The following MACF1 variants were observed in gnomAD, a reference collection of about 807,000 sequenced individuals.
MACF1 encodes microtubule-actin cross-linking factor 1.
In MACF1, 193 loss-of-function variants were observed where a neutral mutation model predicts 854.8. The observed-to-expected ratio is 0.23, with a 90% CI of 0.20 to 0.25. The LOEUF (loss-of-function observed/expected upper bound fraction) is 0.25, where lower values mean the gene tolerates loss of function less well. MACF1 is among the 10% of genes least tolerant of loss of function. The probability of loss-of-function intolerance (pLI) is 1.00; values close to 1 mark genes in which losing one functional copy is unlikely to be tolerated. For missense variants in MACF1, 7,722 were observed against 8,929.1 expected (o/e 0.86, Z 5.45); for synonymous variants, 3,185 against 3,226.7 (o/e 0.99, Z 0.44).
intron 15 of MACF1, among the ~76,000 whole-genome samples, chr1:39,291,202 C>T (rs1645777761): frequency 6.6e-6 from 1 of 152,072 alleles, no homozygotes; most frequent in South Asian, 2.1e-4. Context: ...GTCTCGAACT[C>T]CTGACCTCAG....
intron 2 of MACF1, among the ~76,000 whole-genome samples, chr1:39,135,468 C>A (rs1197434632): frequency 6.6e-6 from 1 of 152,002 alleles, no homozygotes; most frequent in Non-Finnish European, 1.5e-5. Flanking sequence ...AGGCTGATCT[C>A]GAACTCTTGA....
intron 52 of MACF1, among the ~76,000 whole-genome samples, chr1:39,374,823 G>T (rs1649569466): frequency 6.6e-6 from 1 of 152,054 alleles, no homozygotes; most frequent in African/African-American, 2.4e-5. Context: ...AAAACATTTT[G>T]TTGGCTGCCG....
At position 39,359,281 on chromosome 1, in the gene MACF1, G is replaced by A; in HGVS notation, c.12244+17G>A. On this transcript the variant is annotated intron_variant, in intron 47 of 100. Coordinates refer to ENST00000564288, the MANE Select transcript of MACF1 (RefSeq NM_001394062.1). ...AAACTACAGGTATAAAGCAGCAACA[G>A]TATAATAGTACTCCCTTAATTCCTA... 1 of 1,613,366 alleles carries A rather than the reference G, an allele frequency of 6.2e-7. No homozygotes were observed. The highest frequency in any genetic ancestry group is 8.5e-7 in the Non-Finnish European group (1 of 1,179,626).
intron 2 of MACF1, among the ~76,000 whole-genome samples, chr1:39,184,977 A>T (rs1644148050): frequency 6.6e-6 from 1 of 152,180 alleles, no homozygotes; most frequent in Non-Finnish European, 1.5e-5. Flanking sequence ...AAAGTAGAAG[A>T]TACTACCTCT....
rs141246822 is a variant in MACF1 at position 39,310,340 on chromosome 1, G to A, written c.3012G>A (p.Leu1004=). The part of the protein sequence containing the change: ...DFLQDSRDSV[L]FSVADRLRLE... ...TGCAGGATAGTCGTGACTCTGTGCT[G>A]TTCTCAGTGGCTGATCGCTTGCGCT... Residue 1004 remains leucine, a synonymous_variant, in exon 25 of 101, where the codon CTG becomes CTA. Coordinates refer to ENST00000564288, the MANE Select transcript of MACF1 (RefSeq NM_001394062.1). 2.3e-5 allele frequency: 37 copies of A among 1,614,046 alleles called. No homozygotes were observed. Among genetic ancestry groups the A allele is most frequent in the Non-Finnish European group, 3.1e-5 (36 of 1,180,036 alleles).
rs369021304 is a variant in MACF1 at position 39,111,627 on chromosome 1, C to T, written c.220+27189C>T. On this transcript the variant is annotated intron_variant, in intron 2 of 93. Coordinates refer to the MACF1 transcript ENST00000361689. Reference sequence around the variant, plus strand: ...CGATCTTCTGACCTCGTGATCTGCCCGCCTCGGCCTCCCAAAGTGCTGGGA... The same window carrying T: ...CGATCTTCTGACCTCGTGATCTGCCTGCCTCGGCCTCCCAAAGTGCTGGGA... Among the ~76,000 whole-genome samples the T allele has an allele frequency of 2.0e-3, 298 of 152,128 alleles. 1 individual carries two copies. The highest frequency in any genetic ancestry group is 6.7e-3 in the African/African-American group (279 of 41,500).
intron 30 of MACF1, 93 bp downstream of exon 30, chr1:39,318,708 C>A: frequency 7.8e-7 from 1 of 1,288,514 alleles, no homozygotes; most frequent in Non-Finnish European, 1.0e-6. Context: ...AAAGCTTCCT[C>A]CAAATGGAAG....
At position 39,350,213 on chromosome 1, in the gene MACF1, T is replaced by G. The variant is rs921924060; in HGVS notation, c.10966-572T>G. 3.9e-5 allele frequency among the ~76,000 whole-genome samples: 6 copies of G among 152,190 alleles called. 1 individual carries two copies. The highest frequency in any genetic ancestry group is 7.3e-5 in the Non-Finnish European group (5 of 68,034). ...TGAGAAATGAAAGATATGTAGGCGT[T>G]AATGCATGAAGAGGTAGGAGGAGGA... On this transcript the variant is annotated intron_variant, in intron 42 of 100. Coordinates refer to ENST00000564288, the MANE Select transcript of MACF1 (RefSeq NM_001394062.1).
rs554407140 is a variant in MACF1 at position 39,097,444 on chromosome 1, TAGCAC to T, written c.220+13009_220+13013del. 9.1e-4 allele frequency among the ~76,000 whole-genome samples: 138 copies of T among 152,166 alleles called. 5 individuals are homozygous for T. The South Asian group carries it at 0.024, about 27-fold the overall frequency. ...GGTCCTTAACATCATGGCGGGAGGA[TAGCAC>T]AGTGGCTCATGTCTCTAACCCCAGA... is the stretch of plus-strand genomic sequence containing the variant. On this transcript the variant is annotated intron_variant, in intron 2 of 93. Transcript: ENST00000361689.
Position 39,333,365 on chromosome 1 carries a change from G to A in MACF1, c.6777G>A (p.Lys2259=), listed in dbSNP as rs141906844. ...IAGGSMMMSE[K]TDEEDSGREI... is the part of the protein sequence containing the mutation. ...GTGGTAGTATGATGATGTCAGAAAA[G>A]ACCGATGAGGAAGATAGTGGCAGGG... is the stretch of plus-strand genomic sequence containing the variant. The change falls in exon 37 of 101, where the codon AAG becomes AAA. Residue 2259 remains lysine (K), a synonymous_variant. Coordinates refer to ENST00000564288, the MANE Select transcript of MACF1 (RefSeq NM_001394062.1). 1.2e-6 allele frequency: 2 copies of A among 1,614,076 alleles called. No individual in the cohort carries two copies. The highest frequency in any genetic ancestry group is 2.2e-5 in the East Asian group (1 of 44,874).
intron 6 of MACF1, among the ~76,000 whole-genome samples, chr1:39,266,195 C>A (rs1368683476): frequency 6.6e-6 from 1 of 152,152 alleles, no homozygotes; most frequent in African/African-American, 2.4e-5. Context: ...ATTTCTCTTG[C>A]CTCTAAGTTT....
At chr1:39,252,020 G>A in intron 4 of MACF1, 79 bp downstream of exon 4, 1 of 939,472 alleles carries the variant, frequency 1.1e-6, no homozygotes, top group Non-Finnish European at 1.4e-6. Context: ...GGTTCTCCAG[G>A]TCTCGAAGTA....
At chr1:39,441,374 G>A (rs779774404) in intron 74 of MACF1, 49 bp downstream of exon 74, 27 of 1,490,424 alleles carry the variant, frequency 1.8e-5, no homozygotes, top group Non-Finnish European at 2.3e-5. Flanking sequence ...TCTGTTTTTT[G>A]CCATTTTTGT....
chr1:39,101,697 G>A (rs1430549623), intron 2 of MACF1, among the ~76,000 whole-genome samples: 8 of 151,264 alleles, frequency 5.3e-5, no homozygotes, highest in Non-Finnish European at 7.4e-5. Flanking sequence ...GGTGGCGGGC[G>A]CCTGTAGTCC....
intron 23 of MACF1, among the ~76,000 whole-genome samples, chr1:39,307,947 C>T (rs1377404449): frequency 7.6e-6 from 1 of 132,048 alleles, no homozygotes; most frequent in East Asian, 2.4e-4. Flanking sequence ...CCGTGTCGCC[C>T]AGGCTAGAGT....
At chr1:39,263,396 G>A (rs569367830) in intron 6 of MACF1, among the ~76,000 whole-genome samples, 1 of 152,262 alleles carries the variant, frequency 6.6e-6, no homozygotes, top group African/African-American at 2.4e-5. Flanking sequence ...AATGGTAGAT[G>A]TTCTTTTTAA....
rs1644334871 is a variant in MACF1 at position 39,451,203 on chromosome 1, G to A, written c.20410G>A (p.Ala6804Thr). The A allele has an allele frequency of 2.5e-6, 4 of 1,613,796 alleles. No individual in the cohort carries two copies. Among genetic ancestry groups the A allele is most frequent in the Non-Finnish European group, 2.5e-6 (3 of 1,179,796 alleles). The stretch of plus-strand genomic sequence containing the variant: ...TGACCTCGTCATGAACCTCATGGAT[G>A]CACACAAGGTAGGGGTGAGGTCTGG... The part of the protein sequence containing the change: ...DLDLVMNLMD[A>T]HKVFQKELGK... The change falls in exon 85 of 101, where the codon GCA becomes ACA. Residue 6804 changes from alanine to threonine, a missense_variant. Physicochemically the swap from Ala to Thr is moderately conservative, Grantham distance 58. Coordinates refer to ENST00000564288, the MANE Select transcript of MACF1 (RefSeq NM_001394062.1).
chr1:39,141,246 T>C (rs1643339118), intron 2 of MACF1, among the ~76,000 whole-genome samples: 1 of 152,222 alleles, frequency 6.6e-6, no homozygotes, highest in Non-Finnish European at 1.5e-5. Flanking sequence ...TTGTTGAATA[T>C]ACTCTTGAGC....
intron 80 of MACF1, 69 bp from the exon 81 acceptor site, chr1:39,447,363 C>G (rs1324962530): frequency 6.8e-7 from 1 of 1,469,126 alleles, no homozygotes; most frequent in East Asian, 2.3e-5. Flanking sequence ...ATGCCTTTGT[C>G]GCTGAGCCTA....
Sources: gnomAD v4.1 joint callset for allele counts (sites outside exome capture counted in the v4.1 genomes callset) on GRCh38, gnomAD v4.1.1 for gene constraint, MANE v1.5 for transcripts, NCBI Gene and HGNC (gene_info 2026-07-23, HGNC 2026-07-21) for gene names.